MRPL37: variants seen among roughly 807,000 people sequenced by gnomAD.
MRPL37 encodes mitochondrial ribosomal protein L37, also known as large ribosomal subunit protein mL37.
Under a neutral mutation model 44.1 loss-of-function variants are expected in MRPL37, and 34 were observed. That is an observed-to-expected ratio of 0.77 (90% confidence interval 0.59 to 1.03). The LOEUF is 1.03. Ranked by LOEUF, MRPL37 falls within the 50% of genes least tolerant of loss-of-function variation. The pLI is 0.00. For missense variants in MRPL37, 532 were observed against 543.7 expected (o/e 0.98, Z 0.21); for synonymous variants, 212 against 219.5 (o/e 0.97, Z 0.30).
At chr1:54,213,303 C>T (rs965073531) in intron 5 of MRPL37, among the ~76,000 whole-genome samples, 2 of 152,214 alleles carry the variant, frequency 1.3e-5, no homozygotes, top group African/African-American at 4.8e-5. Flanking sequence ...TGGGAGCCCT[C>T]AAGCAGGCCT....
chr1:54,213,430 A>G (rs1335746700), intron 5 of MRPL37, among the ~76,000 whole-genome samples: 1 of 152,158 alleles, frequency 6.6e-6, no homozygotes, highest in Admixed American at 6.5e-5. Flanking sequence ...GAGGAAAAGT[A>G]CTGTTTCCCA....
downstream of MRPL37, chr1:54,218,387 T>C (rs1644212257): frequency 6.5e-7 from 1 of 1,528,644 alleles, no homozygotes; most frequent in Non-Finnish European, 8.7e-7. Context: ...CACTGAAGCC[T>C]GTGTTTGGTA....
At chr1:54,206,264 C>T (rs1056042198) in intron 3 of MRPL37, among the ~76,000 whole-genome samples, 2 of 151,732 alleles carry the variant, frequency 1.3e-5, no homozygotes, top group Admixed American at 1.3e-4. Context: ...AGGCGCCCGC[C>T]ACCACGCCCA....
chr1:54,221,921 G>A (rs1045496466), downstream of MRPL37, among the ~76,000 whole-genome samples: 1 of 152,166 alleles, frequency 6.6e-6, no homozygotes, highest in African/African-American at 2.4e-5. Context: ...CGCCCTCTGG[G>A]AGCTCCTGGG....
At chr1:54,213,814 G>A (rs1329729890) in intron 5 of MRPL37, among the ~76,000 whole-genome samples, 2 of 152,148 alleles carry the variant, frequency 1.3e-5, no homozygotes, top group Admixed American at 6.5e-5. Flanking sequence ...TTGGGAAGCC[G>A]AGGTAGGAGG....
At chr1:54,209,823 C>G in intron 3 of MRPL37, 123 bp from the exon 4 acceptor site, 1 of 990,666 alleles carries the variant, frequency 1.0e-6, no homozygotes, top group Non-Finnish European at 1.5e-6. Context: ...CCTAGAACTC[C>G]TGGCTTCCAA....
Position 54,209,983 on chromosome 1 carries a change from C to CA in MRPL37, c.684_685insA (p.Arg229ThrfsTer5), listed in dbSNP as rs1557732925. 1 of 1,614,104 alleles carries CA rather than the reference C, an allele frequency of 6.2e-7. No individual in the cohort carries two copies. Among genetic ancestry groups the CA allele is most frequent in the South Asian group, 1.1e-5 (1 of 91,082 alleles). ...TTCAAGTCCGTGGTTCTGGTGGAGC[C>CA]CGACTGAGCACTAAGGATCCTCTGC... On this transcript the variant is annotated frameshift_variant, in exon 4 of 7. Transcript: ENST00000360840. LOFTEE classifies it high-confidence loss of function.
At position 54,200,675 on chromosome 1, in the gene MRPL37, A is replaced by G. The variant is rs34840576; in HGVS notation, c.346+86A>G. The G allele has an allele frequency of 4.7e-3, 6,615 of 1,403,226 alleles. 267 individuals carry two copies. The African/African-American group carries it at 0.083, about 18-fold the overall frequency. 86.9% of individuals were successfully genotyped at this position (1,403,226 alleles called of 1,614,324 possible). A position where few individuals can be genotyped will look rare whatever the true frequency, so the allele number is the denominator to read the frequency against. Reference sequence around the variant, plus strand: ...CTCTGTGGCTTTGGGCAAGACATTGAAACTCTGTGGGTCTTGGTTTCTTCG... The same window carrying G: ...CTCTGTGGCTTTGGGCAAGACATTGGAACTCTGTGGGTCTTGGTTTCTTCG... On this transcript the variant is annotated intron_variant, in intron 1 of 6. Transcript: ENST00000360840.
downstream of MRPL37, among the ~76,000 whole-genome samples, chr1:54,224,373 T>C (rs1433353017): frequency 1.3e-5 from 2 of 152,176 alleles, no homozygotes; most frequent in Non-Finnish European, 2.9e-5. Flanking sequence ...ACGAGTAACA[T>C]CACTTGTAGC....
chr1:54,217,112 C>T (rs1478694600), intron 6 of MRPL37, among the ~76,000 whole-genome samples: 1 of 152,160 alleles, frequency 6.6e-6, no homozygotes, highest in South Asian at 2.1e-4. Flanking sequence ...GTCAGGACTG[C>T]GAAAGCGGAG....
intron 5 of MRPL37, 110 bp downstream of exon 5, chr1:54,212,768 G>A (rs959188580): frequency 1.4e-5 from 20 of 1,478,904 alleles, no homozygotes; most frequent in Non-Finnish European, 1.8e-5. Context: ...TTTCTTGACT[G>A]AGGAGTTTTA....
At chr1:54,224,966 G>C (rs1570162533), downstream of MRPL37, among the ~76,000 whole-genome samples, 1 of 151,264 alleles carries the variant, frequency 6.6e-6, no homozygotes, top group South Asian at 2.1e-4. Context: ...ACCTCCCTGT[G>C]CCAACAGTCG....
chr1:54,213,623 T>C (rs1644178905), intron 5 of MRPL37, among the ~76,000 whole-genome samples: 1 of 152,196 alleles, frequency 6.6e-6, no homozygotes, highest in African/African-American at 2.4e-5. Flanking sequence ...AAGCATCATC[T>C]GGGAACTTGT....
At chr1:54,223,231 G>A (rs1361475912), downstream of MRPL37, among the ~76,000 whole-genome samples, 1 of 152,150 alleles carries the variant, frequency 6.6e-6, no homozygotes. Flanking sequence ...GCAGAGCAAC[G>A]CTCATCCGCC....
At chr1:54,221,350 C>T (rs1644232244), downstream of MRPL37, among the ~76,000 whole-genome samples, 2 of 152,288 alleles carry the variant, frequency 1.3e-5, no homozygotes, top group Non-Finnish European at 1.5e-5. Context: ...GGGTGAAAGT[C>T]TCAGAAAGCA....
At chr1:54,216,669 C>T (rs1644200063) in intron 6 of MRPL37, among the ~76,000 whole-genome samples, 1 of 152,154 alleles carries the variant, frequency 6.6e-6, no homozygotes, top group Non-Finnish European at 1.5e-5. Context: ...TCTCCCCTCC[C>T]CATTACTGTT....
intron 4 of MRPL37, among the ~76,000 whole-genome samples, chr1:54,211,786 C>G (rs1644167346): frequency 6.6e-6 from 1 of 152,218 alleles, no homozygotes; most frequent in South Asian, 2.1e-4. Flanking sequence ...AGCCACCATG[C>G]CCAGCCTTCC....
chr1:54,200,717 G>T (rs1644073952), intron 1 of MRPL37, 128 bp downstream of exon 1: 1 of 1,038,406 alleles, frequency 9.6e-7, no homozygotes. Context: ...AAATGGGGCC[G>T]TAGTGATTCC....
At chr1:54,215,520 G>A (rs1398177736) in intron 5 of MRPL37, among the ~76,000 whole-genome samples, 1 of 152,178 alleles carries the variant, frequency 6.6e-6, no homozygotes, top group African/African-American at 2.4e-5. Context: ...CAGAAACATG[G>A]CCCGTGCTGA....
Sources: allele counts gnomAD v4.1 joint callset (sites outside exome capture counted in the v4.1 genomes callset), GRCh38; gene constraint gnomAD v4.1.1; transcripts MANE v1.5; gene names NCBI Gene and HGNC (gene_info 2026-07-23, HGNC 2026-07-21).